Variants in MCOLN2 observed in about 807,000 individuals in gnomAD.
MCOLN2 encodes mucolipin TRP cation channel 2, also known as mucolipin-2.
Under a neutral mutation model 67.5 loss-of-function variants are expected in MCOLN2, and 57 were observed. That is an observed-to-expected ratio of 0.84 (90% CI 0.68 to 1.05). MCOLN2 has a LOEUF of 1.05. Among genes scored for constraint, MCOLN2 ranks in the 50% least tolerant of loss-of-function variants. The pLI is 0.00. For missense variants in MCOLN2, 620 were observed against 678.8 expected (o/e 0.91, Z 0.96); for synonymous variants, 246 against 233.3 (o/e 1.05, Z -0.50).
intron 7 of MCOLN2, among the ~76,000 whole-genome samples, chr1:84,946,224 CCACT>C (rs1648095808): frequency 6.6e-6 from 1 of 152,154 alleles, no homozygotes; most frequent in Non-Finnish European, 1.5e-5. Context: ...CTACTCTGCC[CCACT>C]CAAACTTATT....
At position 84,940,933 on chromosome 1, in the gene MCOLN2, C is replaced by T. The variant is rs775713583; in HGVS notation, c.906G>A (p.Leu302=). Reference sequence around the variant, plus strand: ...ATCTTGTACACAGAATAAGAGATGCCAAGCAAATCACAATGACAAATGCAT... The same window carrying T: ...ATCTTGTACACAGAATAAGAGATGCTAAGCAAATCACAATGACAAATGCAT... ...VFDAFVIVIC[L]ASLILCTRSI... Residue 302 remains leucine (L), a synonymous_variant, in exon 8 of 14, where the codon TTG becomes TTA. Transcript: ENST00000370608. The T allele has an allele frequency of 1.9e-5, 30 of 1,613,640 alleles. No homozygotes were observed. The highest frequency in any genetic ancestry group is 2.0e-5 in the Non-Finnish European group (24 of 1,179,794).
At chr1:84,945,469 T>C (rs1648042513) in intron 7 of MCOLN2, among the ~76,000 whole-genome samples, 3 of 152,208 alleles carry the variant, frequency 2.0e-5, no homozygotes, top group African/African-American at 4.8e-5. Flanking sequence ...AGTGAAATTA[T>C]TGAAACCAAA....
Position 84,931,368 on chromosome 1 carries a change from G to A in MCOLN2, c.1536C>T (p.Thr512=). 2 of 1,534,376 alleles carry A rather than the reference G, an allele frequency of 1.3e-6. No homozygotes were observed. Among genetic ancestry groups the A allele is most frequent in the Non-Finnish European group, 1.8e-6 (2 of 1,109,164 alleles). The change falls in exon 12 of 14, where the codon ACC becomes ACT. Residue 512 remains threonine (T), a synonymous_variant. Coordinates refer to ENST00000370608, the MANE Select transcript of MCOLN2 (RefSeq NM_153259.4). The stretch of plus-strand genomic sequence containing the variant: ...AATTTTGATAATTACTTACCTTAAT[G>A]GTGTCATAAGAATCTGTAATAAGTG... ...FIALITDSYD[T]IKKFQQNGFP...
chr1:84,933,881 A>T (rs1018915513), intron 11 of MCOLN2, among the ~76,000 whole-genome samples: 1 of 152,228 alleles, frequency 6.6e-6, no homozygotes, highest in Non-Finnish European at 1.5e-5. Context: ...TCTTGTGAAC[A>T]TGAGAATTAT....
chr1:84,929,858 C>T, intron 12 of MCOLN2, 179 bp from the exon 13 acceptor site: 1 of 470,656 alleles, frequency 2.1e-6, no homozygotes. Flanking sequence ...AAGGCAGGGC[C>T]ACTGTGGGAA....
intron 3 of MCOLN2, among the ~76,000 whole-genome samples, chr1:84,957,245 T>A (rs1484465660): frequency 6.6e-6 from 1 of 152,194 alleles, no homozygotes; most frequent in South Asian, 2.1e-4. Context: ...TACTTTCTAA[T>A]ATCTACTGAG....
chr1:84,969,953 T>C (rs1424196860), intron 1 of MCOLN2, among the ~76,000 whole-genome samples: 1 of 152,116 alleles, frequency 6.6e-6, no homozygotes, highest in Non-Finnish European at 1.5e-5. Context: ...TACGGGGGCA[T>C]GTGACTGGGC....
chr1:84,972,893 TGG>T (rs1557657148), intron 1 of MCOLN2, among the ~76,000 whole-genome samples: 1 of 152,178 alleles, frequency 6.6e-6, no homozygotes, highest in Non-Finnish European at 1.5e-5. Context: ...GTTTCAGTGA[TGG>T]TATTTTGTCA....
intron 6 of MCOLN2, among the ~76,000 whole-genome samples, chr1:84,947,984 A>C (rs1236096058): frequency 6.6e-6 from 1 of 152,240 alleles, no homozygotes; most frequent in African/African-American, 2.4e-5. Flanking sequence ...GGAAGCTGCC[A>C]AACAGCTGGC....
intron 1 of MCOLN2, among the ~76,000 whole-genome samples, chr1:84,995,586 AG>A (rs11312420): frequency 0.42 from 63,315 of 151,426 alleles, 13,896 homozygotes; most frequent in East Asian, 0.62. Context: ...TTACTTTGAA[AG>A]CTATAGTCAC....
Position 84,968,393 on chromosome 1 carries a change from G to C in MCOLN2, c.78-2685C>G, listed in dbSNP as rs141344914. Among the ~76,000 whole-genome samples the C allele has an allele frequency of 3.4e-4, 51 of 152,186 alleles. 1 individual carries two copies. In the East Asian group the frequency reaches 6.2e-3, roughly 18 times the overall value. ...AACACCCACAGAACTCTGTGTCTTA[G>C]GTTCATCCTAAGACTTGGCACTCTA... On this transcript the variant is annotated intron_variant, in intron 1 of 13. Transcript: ENST00000370608.
intron 1 of MCOLN2, among the ~76,000 whole-genome samples, chr1:84,973,751 G>A (rs1355024139): frequency 6.6e-6 from 1 of 152,182 alleles, no homozygotes; most frequent in Non-Finnish European, 1.5e-5. Flanking sequence ...TGGCAGAAGA[G>A]AAGCCTCCAC....
intron 9 of MCOLN2, among the ~76,000 whole-genome samples, 187 bp downstream of exon 9, chr1:84,939,366 G>A (rs959959012): frequency 1.3e-5 from 2 of 152,036 alleles, no homozygotes; most frequent in African/African-American, 2.4e-5. Context: ...GCCAAGTTTC[G>A]TTCCATGGAA....
intron 1 of MCOLN2, among the ~76,000 whole-genome samples, chr1:84,995,574 T>A (rs1198422617): frequency 8.2e-6 from 1 of 122,378 alleles, no homozygotes; most frequent in Non-Finnish European, 1.9e-5. Context: ...TGGCCACTAC[T>A]TTTACTTTGA....
chr1:84,948,043 C>T (rs1648211225), intron 6 of MCOLN2, among the ~76,000 whole-genome samples: 1 of 152,248 alleles, frequency 6.6e-6, no homozygotes, highest in Non-Finnish European at 1.5e-5. Flanking sequence ...GGCTGTCTCT[C>T]CACACCCACA....
At chr1:84,987,488 A>G (rs1474796492) in intron 1 of MCOLN2, among the ~76,000 whole-genome samples, 6 of 8,162 alleles carry the variant, frequency 7.4e-4, no homozygotes, top group East Asian at 0.012. Context: ...ATACATATAT[A>G]CATATGTATA....
At chr1:84,971,597 A>G (rs1649689080) in intron 1 of MCOLN2, among the ~76,000 whole-genome samples, 1 of 150,856 alleles carries the variant, frequency 6.6e-6, no homozygotes, top group Admixed American at 6.6e-5. Context: ...GGTGCAAAGT[A>G]AAGAGGGAAA....
At chr1:84,981,559 G>A (rs1378228363) in intron 1 of MCOLN2, among the ~76,000 whole-genome samples, 2 of 152,144 alleles carry the variant, frequency 1.3e-5, no homozygotes, top group African/African-American at 4.8e-5. Context: ...GGCACAGAAA[G>A]GCAAATACCG....
At chr1:84,976,107 G>T (rs572679227) in intron 1 of MCOLN2, among the ~76,000 whole-genome samples, 1 of 152,190 alleles carries the variant, frequency 6.6e-6, no homozygotes, top group East Asian at 1.9e-4. Context: ...AGAGACAGGA[G>T]TAGAAAGTTA....
Sources: allele counts gnomAD v4.1 joint callset (sites outside exome capture counted in the v4.1 genomes callset), GRCh38; gene constraint gnomAD v4.1.1; transcripts MANE v1.5; gene names NCBI Gene and HGNC (gene_info 2026-07-23, HGNC 2026-07-21).